UBAP2L: variants seen among roughly 807,000 people sequenced by gnomAD.
UBAP2L encodes ubiquitin-associated protein 2-like.
UBAP2L carries 12 observed loss-of-function variants against 130.6 expected under a neutral mutation model. The ratio of observed to expected loss-of-function variants is 0.09; its 90% CI spans 0.06 to 0.15. The LOEUF is 0.15. Among genes scored for constraint, UBAP2L ranks in the 10% least tolerant of loss-of-function variants. The pLI is 1.00. For synonymous variants in UBAP2L, 503 were observed against 524.7 expected, an observed-to-expected ratio of 0.96 and a Z score of 0.57; for missense variants, 965 against 1,332.5, an observed-to-expected ratio of 0.72 and a Z score of 4.29.
intron 23 of UBAP2L, among the ~76,000 whole-genome samples, chr1:154,261,319 A>C (rs1681453231): frequency 6.6e-6 from 1 of 152,198 alleles, no homozygotes; most frequent in African/African-American, 2.4e-5. Flanking sequence ...AGAATTTGCC[A>C]AAGGGAGAAT....
chr1:154,271,069 C>A (rs1438438857), downstream of UBAP2L: 12 of 916,248 alleles, frequency 1.3e-5, no homozygotes, highest in Admixed American at 2.7e-5. Flanking sequence ...CTAAGACTTT[C>A]ACAACCTGGT....
In UBAP2L at chr1:154,257,361, A is replaced by C. The variant is rs144834492; in HGVS notation, c.2369A>C (p.Asn790Thr). ...VATTSGKAPPNLPPGVPPLLP... is the reference protein window; with the variant it reads ...VATTSGKAPPTLPPGVPPLLP... ...TCTCTTTTAGGAAAAGCTCCTCCCA[A>C]CCTCCCTCCTGGGGTCCCGCCGTTG... The change falls in exon 20 of 27, where the codon AAC (asparagine) becomes ACC (threonine). Residue 790 changes from asparagine to threonine, a missense_variant. Asn to Thr is a moderately conservative substitution (Grantham distance 65). Around this residue, in one of 9 missense-constraint regions of UBAP2L, gnomAD observed 393 missense variants for 408.1 expected, o/e 0.96. Coordinates refer to ENST00000428931, the MANE Select transcript of UBAP2L (RefSeq NM_014847.4). 6.2e-7 allele frequency: 1 copy of C among 1,612,930 alleles called. No homozygotes were observed. The highest frequency in any genetic ancestry group is 8.5e-7 in the Non-Finnish European group (1 of 1,179,884).
chr1:154,223,050 C>G (rs1483555473), intron 1 of UBAP2L, among the ~76,000 whole-genome samples: 2 of 152,208 alleles, frequency 1.3e-5, no homozygotes, highest in African/African-American at 4.8e-5. Flanking sequence ...GCTACTAATT[C>G]TGTGCCCTCA....
At position 154,241,099 on chromosome 1, in the gene UBAP2L, GT is replaced by G. The variant is rs1339560753; in HGVS notation, c.704-411del. 2.0e-5 allele frequency among the ~76,000 whole-genome samples: 3 copies of G among 151,060 alleles called. No individual in the cohort carries two copies. The East Asian group carries it at 5.8e-4, about 29-fold the overall frequency. ...TTTTTTTGTTTTGTTTTTTGTTTTT[GT>G]TTGTTTTGAGACAGTTTCACTCTTG... On this transcript the variant is annotated intron_variant, in intron 8 of 26. Coordinates refer to ENST00000428931, the MANE Select transcript of UBAP2L (RefSeq NM_014847.4).
At chr1:154,234,405 G>A (rs1670945401) in intron 4 of UBAP2L, among the ~76,000 whole-genome samples, 186 bp from the exon 5 acceptor site, 1 of 151,620 alleles carries the variant, frequency 6.6e-6, no homozygotes, top group African/African-American at 2.4e-5. Flanking sequence ...AAAAAATAAA[G>A]GACTTTACTT....
At chr1:154,264,919 T>C (rs1043367971) in intron 24 of UBAP2L, among the ~76,000 whole-genome samples, 2 of 152,242 alleles carry the variant, frequency 1.3e-5, no homozygotes, top group Admixed American at 6.5e-5. Context: ...TTAAAAGTTA[T>C]GCCTGTTACT....
intron 8 of UBAP2L, among the ~76,000 whole-genome samples, chr1:154,239,815 G>C (rs2148703475): frequency 6.6e-6 from 1 of 152,320 alleles, no homozygotes; most frequent in East Asian, 1.9e-4. Context: ...GGATGTCAAT[G>C]AGAAGAAAGT....
At chr1:154,267,087 G>A (rs1017528785) in intron 25 of UBAP2L, among the ~76,000 whole-genome samples, 5 of 151,258 alleles carry the variant, frequency 3.3e-5, no homozygotes, top group Non-Finnish European at 4.4e-5. Context: ...GGCACTTCAT[G>A]CACAAGACCT....
rs951345122 is a variant in UBAP2L at position 154,269,063 on chromosome 1, C to T, written c.3168+109C>T. 5.8e-5 allele frequency: 76 copies of T among 1,308,754 alleles called. 1 individual carries two copies. In the Middle Eastern group the frequency reaches 9.8e-4, roughly 17 times the overall value. The allele number at this position is 1,308,754 out of a possible 1,614,324, so 81.1% of individuals were successfully genotyped here. On this transcript the variant is annotated intron_variant, in intron 26 of 26. Transcript: ENST00000428931. ...TCCTCACCACCACCTTCACCCAATC[C>T]CTCCCCAGCGCCAGTCATGGGCACA... is the stretch of plus-strand genomic sequence containing the variant.
chr1:154,262,677 C>T (rs1681950110), intron 24 of UBAP2L, among the ~76,000 whole-genome samples: 1 of 152,156 alleles, frequency 6.6e-6, no homozygotes, highest in South Asian at 2.1e-4. Context: ...GGGCTAGGAA[C>T]TGATAGCCAA....
rs147740832 is a variant in UBAP2L, at chr1:154,237,095, C to G, written c.662C>G (p.Thr221Arg). 2 of 1,614,120 alleles carry G rather than the reference C, an allele frequency of 1.2e-6. No individual in the cohort carries two copies. Among genetic ancestry groups the G allele is most frequent in the South Asian group, 2.2e-5 (2 of 91,074 alleles). ...AACTATGGCAATAGCAGCGGCAATA[C>G]GTGGAACAACACTGGCCACTTTGAA... ...DDNYGNSSGN[T>R]WNNTGHFEPD... The change falls in exon 8 of 27, where the codon ACG becomes AGG. Residue 221 changes from threonine to arginine, a missense_variant. Coordinates refer to ENST00000428931, the MANE Select transcript of UBAP2L (RefSeq NM_014847.4).
intron 2 of UBAP2L, 152 bp downstream of exon 2, chr1:154,225,365 A>T (rs982250405): frequency 1.3e-6 from 1 of 779,164 alleles, no homozygotes; most frequent in Non-Finnish European, 2.1e-6. Context: ...TTAGGTCCTG[A>T]TAACTGTTCA....
intron 5 of UBAP2L, among the ~76,000 whole-genome samples, 193 bp from the exon 6 acceptor site, chr1:154,235,003 A>G (rs1470444588): frequency 1.3e-5 from 2 of 152,112 alleles, no homozygotes; most frequent in African/African-American, 4.8e-5. Flanking sequence ...GCTCTCCATT[A>G]AGGCACATTA....
At chr1:154,247,989 CAG>C (rs560672535) in intron 11 of UBAP2L, among the ~76,000 whole-genome samples, 173 of 148,744 alleles carry the variant, frequency 1.2e-3, no homozygotes, top group Non-Finnish European at 1.7e-3. Flanking sequence ...TTTTTTGAGA[CAG>C]AGTTTCACTC....
chr1:154,240,166 T>A (rs1390027401), intron 8 of UBAP2L, among the ~76,000 whole-genome samples: 4 of 152,192 alleles, frequency 2.6e-5, no homozygotes, highest in Non-Finnish European at 5.9e-5. Flanking sequence ...GAAGAGTTAT[T>A]TAATATATAT....
intron 14 of UBAP2L, among the ~76,000 whole-genome samples, chr1:154,253,624 G>A (rs1281902294): frequency 6.6e-6 from 1 of 151,866 alleles, no homozygotes; most frequent in Non-Finnish European, 1.5e-5. Context: ...CGCCCGCCTC[G>A]ACCTTCCAAA....
At chr1:154,233,324 C>T (rs550298175) in intron 4 of UBAP2L, among the ~76,000 whole-genome samples, 157 of 146,828 alleles carry the variant, frequency 1.1e-3, no homozygotes, top group African/African-American at 3.7e-3. Context: ...CCTTTTTTTT[C>T]TTTTTTTTTC....
chr1:154,248,213 C>T lies in UBAP2L; in HGVS notation c.1015-1026C>T, dbSNP rs191381919. Among the ~76,000 whole-genome samples the T allele has an allele frequency of 5.3e-5, 8 of 152,098 alleles. No individual in the cohort carries two copies. In the South Asian group the frequency reaches 8.3e-4, roughly 16 times the overall value. The stretch of plus-strand genomic sequence containing the variant: ...GACTCCTGACCTAAGGTGAGCTGCC[C>T]GCCTCAGCCTCCCAAAGTGCTGGGA... On this transcript the variant is annotated intron_variant, in intron 11 of 26. Transcript: ENST00000428931.
chr1:154,228,370 TAG>T (rs1330282068), intron 3 of UBAP2L, among the ~76,000 whole-genome samples: 1 of 152,110 alleles, frequency 6.6e-6, no homozygotes, highest in East Asian at 1.9e-4. Context: ...GTATTTTTAG[TAG>T]AGACAGGTTT....
Sources: allele counts gnomAD v4.1 joint callset (sites outside exome capture counted in the v4.1 genomes callset), GRCh38; gene constraint gnomAD v4.1.1; regional missense constraint gnomAD v4.1.1; transcripts MANE v1.5; gene names NCBI Gene and HGNC (gene_info 2026-07-23, HGNC 2026-07-21).